Variants in CDAN1 observed in about 807,000 individuals in gnomAD.
The protein encoded by CDAN1 is codanin-1.
A neutral mutation model predicts 139.8 loss-of-function variants in CDAN1; 107 were observed. The observed-to-expected ratio is 0.77, with a 90% CI of 0.65 to 0.90. The LOEUF (loss-of-function observed/expected upper bound fraction) is 0.90. CDAN1 is among the 40% of genes least tolerant of loss of function. CDAN1 has a pLI of 0.00. For synonymous variants in CDAN1, 776 were observed against 660.6 expected (o/e 1.17, Z -2.68); for missense variants, 1,667 against 1,575.7 (o/e 1.06, Z -0.98).
Position 42,731,263 on chromosome 15 carries a change from A to G in CDAN1, c.1808T>C (p.Leu603Pro), listed in dbSNP as rs2061607404. The G allele has an allele frequency of 6.2e-7, 1 of 1,614,158 alleles. No homozygotes were observed. Among genetic ancestry groups the G allele is most frequent in the Non-Finnish European group, 8.5e-7 (1 of 1,180,032 alleles). ...LKIQELNGLA[L>P]PQHEPNDEDG... Reference sequence around the variant, plus strand: ...TTCATCATTGGGCTCATGCTGGGGCAGGGCAAGACCATTGAGCTCCTGGAT... The same window carrying G: ...TTCATCATTGGGCTCATGCTGGGGCGGGGCAAGACCATTGAGCTCCTGGAT... Residue 603 changes from leucine to proline, a missense_variant, in exon 12 of 28, where the codon CTG becomes CCG. Physicochemically the swap from Leu to Pro is moderately conservative, Grantham distance 98. This residue lies in a region of CDAN1 where 936 missense variants were observed against 844.1 expected (regional missense o/e 1.11). Transcript: ENST00000356231.
chr15:42,734,639 T>C (rs781025253), intron 6 of CDAN1, among the ~76,000 whole-genome samples: 1 of 152,114 alleles, frequency 6.6e-6, no homozygotes, highest in Non-Finnish European at 1.5e-5. Context: ...TGGGGGTCTC[T>C]GTCACCCAGG....
chr15:42,734,328 G>C lies in CDAN1; in HGVS notation c.1155C>G (p.Asp385Glu). The stretch of plus-strand genomic sequence containing the variant: ...CAGCCAGCAGCTTCAAGGTCCCTTT[G>C]TCCAGGTTGGAAAGAACCCTGCAGG... ...ECHFQVLSNLDKGTLKLLAEN... is the reference protein window; with the variant it reads ...ECHFQVLSNLEKGTLKLLAEN... Residue 385 changes from aspartate to glutamate, a missense_variant, in exon 7 of 28, where the codon GAC (aspartate) becomes GAG (glutamate). Asp to Glu is a conservative substitution (Grantham distance 45). This residue lies in a region of CDAN1 where 244 missense variants were observed against 309.4 expected (regional missense o/e 0.79). Transcript: ENST00000356231. 1 of 1,614,130 alleles carries C rather than the reference G, an allele frequency of 6.2e-7. No homozygotes were observed.
chr15:42,726,785 A>G (rs1240871268), intron 23 of CDAN1: 3 of 277,974 alleles, frequency 1.1e-5, no homozygotes, highest in South Asian at 5.2e-5. Context: ...TCTGTCTCTC[A>G]AGCCTCTCTG....
rs752349015 is a variant in CDAN1 at position 42,731,261 on chromosome 15, G to T, written c.1810C>A (p.Pro604Thr). Residue 604 changes from proline to threonine, a missense_variant, in exon 12 of 28, where the codon CCC becomes ACC. Pro to Thr is a conservative substitution (Grantham distance 38). This residue lies in a region of CDAN1 where 936 missense variants were observed against 844.1 expected (regional missense o/e 1.11). Transcript: ENST00000356231. ...TCTTCATCATTGGGCTCATGCTGGG[G>T]CAGGGCAAGACCATTGAGCTCCTGG... Reference protein sequence around the residue: ...KIQELNGLALPQHEPNDEDGE... With the variant: ...KIQELNGLALTQHEPNDEDGE... 1 of 1,614,178 alleles carries T rather than the reference G, an allele frequency of 6.2e-7. No homozygotes were observed. Among genetic ancestry groups the T allele is most frequent in the Non-Finnish European group, 8.5e-7 (1 of 1,180,034 alleles).
intron 27 of CDAN1, 94 bp from the exon 28 acceptor site, chr15:42,724,710 A>G (rs2140455338): frequency 6.8e-7 from 1 of 1,472,772 alleles, no homozygotes; most frequent in South Asian, 1.2e-5. Context: ...GGCTGGCTAT[A>G]TTATTTTTTC....
At chr15:42,729,541 G>T in intron 17 of CDAN1, 27 bp downstream of exon 17, 1 of 1,614,026 alleles carries the variant, frequency 6.2e-7, no homozygotes, top group South Asian at 1.1e-5. Context: ...ACAGACCAAG[G>T]ACCGTCCAGG....
intron 2 of CDAN1, 57 bp downstream of exon 2, chr15:42,736,245 G>C: frequency 3.1e-6 from 5 of 1,607,696 alleles, no homozygotes; most frequent in Non-Finnish European, 4.2e-6. Flanking sequence ...GAGCTCGAAT[G>C]ACTGACTCCC....
In CDAN1 at chr15:42,736,699, TC is replaced by T; in HGVS notation, c.171del (p.Arg58GlyfsTer124). 6.4e-7 allele frequency: 1 copy of T among 1,555,706 alleles called. No homozygotes were observed. The highest frequency in any genetic ancestry group is 1.2e-5 in the South Asian group (1 of 83,856). On this transcript the variant is annotated frameshift_variant, in exon 2 of 28. Coordinates refer to ENST00000356231, the MANE Select transcript of CDAN1 (RefSeq NM_138477.4). LOFTEE classifies it high-confidence loss of function. ...KEFVPFLLNF[L>X]REQSSRVLPQ... ...GGGAGGACGCGGCTGCTCTGCTCCCTCAGGAAGTTCAACAGGAACGGTACGA... is the reference window on the plus strand; with the variant it reads ...GGGAGGACGCGGCTGCTCTGCTCCCTAGGAAGTTCAACAGGAACGGTACGA...
chr15:42,736,554 G>A lies in CDAN1; in HGVS notation c.317C>T (p.Ala106Val), dbSNP rs1566990147. 3.4e-6 allele frequency: 5 copies of A among 1,482,600 alleles called. No individual in the cohort carries two copies. Among genetic ancestry groups the A allele is most frequent in the Middle Eastern group, 2.1e-4 (1 of 4,706 alleles). The allele number at this position is 1,482,600 out of a possible 1,614,324, so 91.8% of individuals were successfully genotyped here. The change falls in exon 2 of 28, where the codon GCC (alanine) becomes GTC (valine). Residue 106 changes from alanine (A) to valine (V), a missense_variant. By Grantham distance (64) the Ala-to-Val change is moderately conservative. Coordinates refer to ENST00000356231, the MANE Select transcript of CDAN1 (RefSeq NM_138477.4). ...ARSQLFPPTE[A>V]QSTAAEAPLA... ...AGGGGCCTCGGCAGCGGTGCTCTGG[G>A]CCTCGGTCGGAGGGAAAAGCTGGCT...
chr15:42,734,324 C>G lies in CDAN1; in HGVS notation c.1159G>C (p.Gly387Arg). ...TTCTCAGCCAGCAGCTTCAAGGTCC[C>G]TTTGTCCAGGTTGGAAAGAACCCTG... ...HFQVLSNLDK[G>R]TLKLLAENER... The change falls in exon 7 of 28, where the codon GGG becomes CGG. Residue 387 changes from glycine to arginine, a missense_variant. Around this residue, in one of 3 missense-constraint regions of CDAN1, gnomAD observed 244 missense variants for 309.4 expected, o/e 0.79. Coordinates refer to ENST00000356231, the MANE Select transcript of CDAN1 (RefSeq NM_138477.4). The G allele has an allele frequency of 1.2e-6, 2 of 1,614,124 alleles. No individual in the cohort carries two copies. Among genetic ancestry groups the G allele is most frequent in the Non-Finnish European group, 1.7e-6 (2 of 1,180,028 alleles).
rs773646860 is a variant in CDAN1, at chr15:42,729,575, G to A, written c.2400C>T (p.Pro800=). 4 of 1,614,032 alleles carry A rather than the reference G, an allele frequency of 2.5e-6. No individual in the cohort carries two copies. Among genetic ancestry groups the A allele is most frequent in the Admixed American group, 3.3e-5 (2 of 60,004 alleles). The part of the protein sequence containing the change: ...VDQQLLYTCC[P]YIGELRKLLA... ...GGGAAGACCGGTGCTCACCGATGTA[G>A]GGGCAGCAGGTGTAGAGCAGCTGCT... Residue 800 remains proline, a synonymous_variant, in exon 17 of 28, where the codon CCC becomes CCT. Transcript: ENST00000356231.
chr15:42,726,173 T>G lies in CDAN1; in HGVS notation c.3205-13A>C, dbSNP rs2140461308. 6.2e-7 allele frequency: 1 copy of G among 1,612,714 alleles called. No individual in the cohort carries two copies. Among genetic ancestry groups the G allele is most frequent in the Non-Finnish European group, 8.5e-7 (1 of 1,179,498 alleles). ...GTGGGCACAGGAACTGCGGTTGGGG[T>G]GGGGGGGAAAGAGAGACCATAGGTA... On this transcript the variant is annotated splice_polypyrimidine_tract_variant and intron_variant, in intron 24 of 27. Coordinates refer to ENST00000356231, the MANE Select transcript of CDAN1 (RefSeq NM_138477.4).
Position 42,737,119 on chromosome 15 carries a change from T to TGGGGCGACTGCGCAGGCGCC in CDAN1, c.-18_-17insGGCGCCTGCGCAGTCGCCCC, listed in dbSNP as rs1566991011. 7.2e-7 allele frequency: 1 copy of TGGGGCGACTGCGCAGGCGCC among 1,387,822 alleles called. No homozygotes were observed. Among genetic ancestry groups the TGGGGCGACTGCGCAGGCGCC allele is most frequent in the African/African-American group, 1.5e-5 (1 of 64,640 alleles). The allele number at this position is 1,387,822 out of a possible 1,614,324, so 86.0% of individuals were successfully genotyped here. A position where few individuals can be genotyped will look rare whatever the true frequency, so the allele number is the denominator to read the frequency against. ...GGCCGCCATCCCGGTCGGGGCGCTC[T>TGGGGCGACTGCGCAGGCGCC]GGGGCGACTGCGCAGGCGCCGGCGC... On this transcript the variant is annotated 5_prime_UTR_variant, in exon 1 of 28. Transcript: ENST00000356231.
rs773034746 is a variant in CDAN1 at position 42,731,342 on chromosome 15, G to C, written c.1740-11C>G. 12 of 1,613,224 alleles carry C rather than the reference G, an allele frequency of 7.4e-6. No homozygotes were observed. In the East Asian group the frequency reaches 2.7e-4, roughly 36 times the overall value. On this transcript the variant is annotated splice_polypyrimidine_tract_variant and intron_variant, in intron 11 of 27. Coordinates refer to ENST00000356231, the MANE Select transcript of CDAN1 (RefSeq NM_138477.4). ...TGGTTAAACTGGAAGCTGAGAAGAAGGGGTGGGTGGGGCATAAGCACTGGA... is the reference window on the plus strand; with the variant it reads ...TGGTTAAACTGGAAGCTGAGAAGAACGGGTGGGTGGGGCATAAGCACTGGA...
At chr15:42,735,483 A>G (rs758150017) in intron 4 of CDAN1, 27 bp downstream of exon 4, 4 of 1,612,480 alleles carry the variant, frequency 2.5e-6, no homozygotes, top group Non-Finnish European at 3.4e-6. Context: ...AAGTGTCTCC[A>G]CTCCCGCTCC....
chr15:42,735,743 C>A, intron 3 of CDAN1, 64 bp from the exon 4 acceptor site: 2 of 1,592,986 alleles, frequency 1.3e-6, no homozygotes, highest in South Asian at 2.2e-5. Flanking sequence ...ACACTCAGGT[C>A]ACTCCAGAGA....
At position 42,727,697 on chromosome 15, in the gene CDAN1, C is replaced by CG; in HGVS notation, c.3019dup (p.Arg1007ProfsTer12). 5 of 1,584,860 alleles carry CG rather than the reference C, an allele frequency of 3.2e-6. No homozygotes were observed. Among genetic ancestry groups the CG allele is most frequent in the East Asian group, 2.3e-5 (1 of 44,334 alleles). On this transcript the variant is annotated frameshift_variant, in exon 23 of 28. Transcript: ENST00000356231. LOFTEE classifies it high-confidence loss of function. ...GCGGGAGCAGCCCCTCCGCTCCCCC[C>CG]GGGCAGCAGGTTCAGGACCCTGGGC...
At chr15:42,735,797 G>A in intron 3 of CDAN1, 78 bp downstream of exon 3, 2 of 1,593,516 alleles carry the variant, frequency 1.3e-6, no homozygotes, top group East Asian at 2.2e-5. Context: ...CCCCAAGAGG[G>A]AAATCAATTT....
chr15:42,735,608 C>A lies in CDAN1; in HGVS notation c.845G>T (p.Arg282Leu). The A allele has an allele frequency of 6.2e-7, 1 of 1,614,152 alleles. No individual in the cohort carries two copies. The highest frequency in any genetic ancestry group is 8.5e-7 in the Non-Finnish European group (1 of 1,180,018). Residue 282 changes from arginine to leucine, a missense_variant, in exon 4 of 28, where the codon CGG becomes CTG. Transcript: ENST00000356231. ...TPELGSPLPS[R>L]TGSLTDEPAD... Reference sequence around the variant, plus strand: ...AGGTTCATCTGTGAGGCTTCCTGTCCGGCTGGGGAGGGGCGACCCCAATTC... The same window carrying A: ...AGGTTCATCTGTGAGGCTTCCTGTCAGGCTGGGGAGGGGCGACCCCAATTC...
Sources: gnomAD v4.1 joint callset for allele counts (sites outside exome capture counted in the v4.1 genomes callset) on GRCh38, gnomAD v4.1.1 for gene constraint, gnomAD v4.1.1 regional missense constraint, MANE v1.5 for transcripts, NCBI Gene and HGNC (gene_info 2026-07-23, HGNC 2026-07-21) for gene names.